EYS: variants seen among roughly 807,000 people sequenced by gnomAD.
The protein encoded by EYS is EGF-like photoreceptor maintenance factor.
Under a neutral mutation model 282.1 loss-of-function variants are expected in EYS, and 250 were observed. The ratio of observed to expected loss-of-function variants is 0.89; its 90% CI spans 0.80 to 0.98. EYS has a LOEUF of 0.98. EYS is among the 50% of genes least tolerant of loss of function. The probability of loss-of-function intolerance (pLI) is 0.00; values close to 1 mark genes in which losing one functional copy is unlikely to be tolerated. For missense variants in EYS, 4,016 were observed against 3,709.0 expected (o/e 1.08, Z -2.15); for synonymous variants, 1,355 against 1,282.9 (o/e 1.06, Z -1.20).
At chr6:64,905,577 G>A (rs967315980) in intron 16 of EYS, among the ~76,000 whole-genome samples, 4 of 152,162 alleles carry the variant, frequency 2.6e-5, no homozygotes, top group Admixed American at 6.5e-5. Flanking sequence ...TTCTGCACTC[G>A]TTCCTCCAAA....
At chr6:64,519,198 G>A (rs4111156) in intron 26 of EYS, among the ~76,000 whole-genome samples, 7,807 of 151,734 alleles carry the variant, frequency 0.051, 675 homozygotes, top group African/African-American at 0.18. Context: ...ATGAGAAAGA[G>A]TGGCTCACCT....
At chr6:64,456,167 A>C (rs545509519) in intron 26 of EYS, among the ~76,000 whole-genome samples, 2 of 152,072 alleles carry the variant, frequency 1.3e-5, no homozygotes, top group Middle Eastern at 3.2e-3. Context: ...TAGTTGACCC[A>C]CCACTCAAAT....
intron 5 of EYS, among the ~76,000 whole-genome samples, chr6:65,412,212 C>G (rs1767049446): frequency 6.6e-6 from 1 of 152,110 alleles, no homozygotes; most frequent in Non-Finnish European, 1.5e-5. Context: ...ATTGCCCAGC[C>G]TTCAGGACTG....
At chr6:64,887,014 G>T (rs1195358745) in intron 18 of EYS, among the ~76,000 whole-genome samples, 172 bp from the exon 19 acceptor site, 10 of 150,992 alleles carry the variant, frequency 6.6e-5, no homozygotes, top group Non-Finnish European at 1.2e-4. Flanking sequence ...GCAAAATTTT[G>T]TTCTGCTCAA....
intron 33 of EYS, among the ~76,000 whole-genome samples, chr6:64,050,073 T>C (rs1443096724): frequency 6.6e-6 from 1 of 152,202 alleles, no homozygotes; most frequent in African/African-American, 2.4e-5. Flanking sequence ...TTCTCAGATT[T>C]GGTAACACTT....
intron 13 of EYS, among the ~76,000 whole-genome samples, chr6:65,025,488 A>C (rs910885504): frequency 5.3e-5 from 8 of 152,204 alleles, no homozygotes; most frequent in Admixed American, 4.6e-4. Context: ...TTTAGAGAAT[A>C]TATGTTATTC....
chr6:65,545,241 T>C (rs1054201924), intron 2 of EYS, among the ~76,000 whole-genome samples: 1 of 10,810 alleles, frequency 9.3e-5, no homozygotes. Flanking sequence ...TTTTATTCTG[T>C]TTTTTTTTTT....
chr6:64,772,016 A>G (rs1284818705), intron 22 of EYS, among the ~76,000 whole-genome samples: 1 of 151,814 alleles, frequency 6.6e-6, no homozygotes, highest in Non-Finnish European at 1.5e-5. Context: ...TGTTAATATA[A>G]TAAGAAATAT....
intron 14 of EYS, among the ~76,000 whole-genome samples, chr6:64,981,755 C>T (rs1770674952): frequency 6.6e-6 from 1 of 151,274 alleles, no homozygotes; most frequent in African/African-American, 2.4e-5. Context: ...AAAATGCAGA[C>T]CATTTTTAAA....
At chr6:64,414,356 G>A (rs549514228) in intron 28 of EYS, among the ~76,000 whole-genome samples, 1 of 152,216 alleles carries the variant, frequency 6.6e-6, no homozygotes, top group African/African-American at 2.4e-5. Context: ...GTAAAATTAA[G>A]TTTGAGGGTA....
intron 26 of EYS, among the ~76,000 whole-genome samples, chr6:64,507,249 G>A (rs2150516287): frequency 6.6e-6 from 1 of 151,960 alleles, no homozygotes; most frequent in South Asian, 2.1e-4. Flanking sequence ...GTCCTTTGTA[G>A]GGACATGGAT....
intron 22 of EYS, among the ~76,000 whole-genome samples, chr6:64,732,681 C>A (rs1772014477): frequency 6.6e-6 from 1 of 152,064 alleles, no homozygotes. Flanking sequence ...AAACCCAAAC[C>A]TCTAAATAAC....
intron 22 of EYS, among the ~76,000 whole-genome samples, chr6:64,773,007 G>A (rs560706061): frequency 1.3e-5 from 2 of 151,758 alleles, no homozygotes; most frequent in Admixed American, 6.6e-5. Context: ...AAATTCAGGG[G>A]GATGTGGACA....
chr6:64,236,181 G>A (rs1372959950), intron 30 of EYS, among the ~76,000 whole-genome samples: 1 of 152,140 alleles, frequency 6.6e-6, no homozygotes, highest in Non-Finnish European at 1.5e-5. Context: ...CACCATGTTA[G>A]CCAGGATGGT....
chr6:64,273,151 T>C (rs567926986), intron 30 of EYS, among the ~76,000 whole-genome samples: 1 of 152,316 alleles, frequency 6.6e-6, no homozygotes, highest in East Asian at 1.9e-4. Context: ...CTCAGTTGCT[T>C]ACTATGTGTC....
intron 1 of EYS, among the ~76,000 whole-genome samples, chr6:65,642,898 A>G (rs2149814391): frequency 6.6e-6 from 1 of 152,342 alleles, no homozygotes; most frequent in East Asian, 1.9e-4. Flanking sequence ...AGCTTTGATT[A>G]AAAATGTAGA....
At chr6:63,868,617 G>A (rs142501879) in intron 35 of EYS, among the ~76,000 whole-genome samples, 43 of 152,224 alleles carry the variant, frequency 2.8e-4, no homozygotes, top group Middle Eastern at 6.8e-3. Context: ...ATTGCTACTG[G>A]CGGAAATAAC....
intron 29 of EYS, among the ~76,000 whole-genome samples, chr6:64,371,923 G>C (rs1772387384): frequency 6.6e-6 from 1 of 152,020 alleles, no homozygotes; most frequent in Non-Finnish European, 1.5e-5. Flanking sequence ...TGTGAGATTG[G>C]TCTCCTGAAG....
intron 5 of EYS, among the ~76,000 whole-genome samples, chr6:65,442,681 G>C (rs957016064): frequency 6.6e-6 from 1 of 151,878 alleles, no homozygotes; most frequent in Non-Finnish European, 1.5e-5. Flanking sequence ...TTGAACCCAG[G>C]AGGTGGAGGT....
Sources: allele counts gnomAD v4.1 joint callset (sites outside exome capture counted in the v4.1 genomes callset), GRCh38; gene constraint gnomAD v4.1.1; transcripts MANE v1.5; gene names NCBI Gene and HGNC (gene_info 2026-07-23, HGNC 2026-07-21).